The following CNTN4 variants were observed in gnomAD, a reference collection of about 807,000 sequenced individuals.
The protein encoded by CNTN4 is contactin-4.
Under a neutral mutation model 122.5 loss-of-function variants are expected in CNTN4, and 77 were observed. The observed-to-expected ratio is 0.63, with a 90% CI of 0.52 to 0.76. CNTN4 has a LOEUF of 0.76. Ranked by LOEUF, CNTN4 falls within the 30% of genes least tolerant of loss-of-function variation. CNTN4 has a pLI of 0.00. For missense variants in CNTN4, 1,256 were observed against 1,259.1 expected, an observed-to-expected ratio of 1.00 and a Z score of 0.04; for synonymous variants, 512 against 447.0, an observed-to-expected ratio of 1.15 and a Z score of -1.83.
intron 4 of CNTN4, among the ~76,000 whole-genome samples, chr3:2,594,227 C>A (rs953682725): frequency 1.2e-4 from 1 of 8,244 alleles, no homozygotes; most frequent in Non-Finnish European, 6.0e-3. Context: ...TTTGGAGAAA[C>A]TGGTTTTTTT....
intron 4 of CNTN4, among the ~76,000 whole-genome samples, chr3:2,589,551 A>T (rs759720308): frequency 6.6e-6 from 1 of 152,210 alleles, no homozygotes; most frequent in Non-Finnish European, 1.5e-5. Flanking sequence ...GAAGAATGCA[A>T]GTGTCATTCT....
chr3:2,267,908 A>G (rs1195449403), intron 2 of CNTN4, among the ~76,000 whole-genome samples: 3 of 152,004 alleles, frequency 2.0e-5, no homozygotes, highest in South Asian at 2.1e-4. Context: ...ATAATTTCCT[A>G]TGGAACCTGT....
At chr3:2,860,910 A>G (rs6768322) in intron 7 of CNTN4, among the ~76,000 whole-genome samples, 28,824 of 152,034 alleles carry the variant, frequency 0.19, 2,825 homozygotes, top group Middle Eastern at 0.28. Flanking sequence ...GTGCTATTTA[A>G]TTCTTGCAGT....
chr3:2,502,387 A>G (rs756419522), intron 3 of CNTN4, among the ~76,000 whole-genome samples: 14 of 152,086 alleles, frequency 9.2e-5, no homozygotes, highest in African/African-American at 2.9e-4. Flanking sequence ...AGTATATTCA[A>G]ATTCACTTGC....
intron 13 of CNTN4, among the ~76,000 whole-genome samples, chr3:2,949,873 T>C (rs1053744845): frequency 3.3e-5 from 5 of 152,242 alleles, no homozygotes; most frequent in African/African-American, 1.2e-4. Context: ...CTTTAATTTG[T>C]ATGTTTTTCT....
At chr3:2,861,636 A>T (rs996466866) in intron 7 of CNTN4, among the ~76,000 whole-genome samples, 7 of 152,158 alleles carry the variant, frequency 4.6e-5, no homozygotes, top group Admixed American at 1.3e-4. Flanking sequence ...ACTACCATTC[A>T]TGTCTCCTGA....
intron 13 of CNTN4, among the ~76,000 whole-genome samples, chr3:2,962,058 T>C (rs76524293): frequency 0.02 from 3,063 of 152,322 alleles, 109 homozygotes; most frequent in African/African-American, 0.07. Flanking sequence ...AAAGATGTAA[T>C]TTGAACCCCA....
At chr3:2,895,735 A>C (rs1389703036) in intron 10 of CNTN4, among the ~76,000 whole-genome samples, 2 of 152,158 alleles carry the variant, frequency 1.3e-5, no homozygotes, top group Non-Finnish European at 2.9e-5. Flanking sequence ...GGTTTCACTT[A>C]TTAAAATCAA....
At chr3:2,811,796 A>G (rs756061165) in intron 6 of CNTN4, among the ~76,000 whole-genome samples, 20 of 94,452 alleles carry the variant, frequency 2.1e-4, no homozygotes, top group Non-Finnish European at 3.6e-4. Context: ...CCTCCAGAGC[A>G]GCTGGGACTA....
At chr3:2,224,818 C>T (rs896054453) in intron 2 of CNTN4, among the ~76,000 whole-genome samples, 2 of 152,122 alleles carry the variant, frequency 1.3e-5, no homozygotes, top group Admixed American at 6.6e-5. Flanking sequence ...CTGTAAAAGT[C>T]ATATTAGATA....
chr3:2,242,276 T>A (rs1329659357), intron 2 of CNTN4, among the ~76,000 whole-genome samples: 1 of 152,086 alleles, frequency 6.6e-6, no homozygotes, highest in Non-Finnish European at 1.5e-5. Context: ...GCCACTACCA[T>A]GTCATAGAAT....
chr3:2,834,073 G>C (rs1036140250), intron 7 of CNTN4, among the ~76,000 whole-genome samples: 4 of 151,918 alleles, frequency 2.6e-5, no homozygotes, highest in South Asian at 2.1e-4. Context: ...TTGATCACGG[G>C]AGGCAGAGGT....
At chr3:2,135,898 C>T (rs1044289388) in intron 2 of CNTN4, among the ~76,000 whole-genome samples, 1 of 152,178 alleles carries the variant, frequency 6.6e-6, no homozygotes, top group Non-Finnish European at 1.5e-5. Context: ...TTTTTCATCA[C>T]CCTTCTGGTA....
rs190240885 is a variant in CNTN4, at chr3:2,698,948, G to A, written c.56-37267G>A. On this transcript the variant is annotated intron_variant, in intron 4 of 24. Transcript: ENST00000418658. ...TGAGGCCGGAGAATTGCTGGAACCC[G>A]GGAGGTGGAGGTTGCAGTGAGCCGA... Among the ~76,000 whole-genome samples, 21 of 152,178 alleles carry A rather than the reference G, an allele frequency of 1.4e-4. No homozygotes were observed. The East Asian group carries it at 2.3e-3, about 17-fold the overall frequency.
At chr3:2,961,110 G>A (rs1465368298) in intron 13 of CNTN4, among the ~76,000 whole-genome samples, 4 of 142,142 alleles carry the variant, frequency 2.8e-5, no homozygotes, top group East Asian at 2.3e-4. Flanking sequence ...GGCGCCTGTA[G>A]TCCCAGCTAC....
At chr3:2,537,327 C>T (rs1469869396) in intron 3 of CNTN4, among the ~76,000 whole-genome samples, 1 of 151,970 alleles carries the variant, frequency 6.6e-6, no homozygotes, top group African/African-American at 2.4e-5. Flanking sequence ...GACAGTGTCT[C>T]CAAAGTCTGA....
chr3:2,511,184 C>G (rs550664886), intron 3 of CNTN4, among the ~76,000 whole-genome samples: 111 of 152,268 alleles, frequency 7.3e-4, no homozygotes, highest in African/African-American at 2.6e-3. Context: ...ACCAAACAAC[C>G]AGTGTAATTA....
At chr3:2,222,809 C>T (rs1279545339) in intron 2 of CNTN4, among the ~76,000 whole-genome samples, 1 of 152,106 alleles carries the variant, frequency 6.6e-6, no homozygotes, top group Non-Finnish European at 1.5e-5. Flanking sequence ...ATTTGTAAGT[C>T]AGATTGTCAT....
chr3:2,281,713 T>C (rs1178857981), intron 2 of CNTN4, among the ~76,000 whole-genome samples: 1 of 152,122 alleles, frequency 6.6e-6, no homozygotes, highest in Non-Finnish European at 1.5e-5. Flanking sequence ...TTGCTAGGTG[T>C]TTTCGGTTTT....
Sources: gnomAD v4.1 joint callset for allele counts (sites outside exome capture counted in the v4.1 genomes callset) on GRCh38, gnomAD v4.1.1 for gene constraint, MANE v1.5 for transcripts, NCBI Gene and HGNC (gene_info 2026-07-23, HGNC 2026-07-21) for gene names.